PCBP3: variants seen among roughly 807,000 people sequenced by gnomAD.
PCBP3 encodes the protein poly(rC)-binding protein 3.
PCBP3 carries 25 observed loss-of-function variants against 52.7 expected under a neutral mutation model. The observed-to-expected ratio is 0.47, with a 90% CI of 0.35 to 0.66. PCBP3 has a LOEUF of 0.66. Among genes scored for constraint, PCBP3 ranks in the 30% least tolerant of loss-of-function variants. PCBP3 has a pLI of 0.01. For synonymous variants in PCBP3, 162 were observed against 183.0 expected (o/e 0.89, Z 0.93); for missense variants, 391 against 490.3 (o/e 0.80, Z 1.91).
chr21:45,747,646 A>C (rs1414669232), intron 3 of PCBP3, among the ~76,000 whole-genome samples: 1 of 152,232 alleles, frequency 6.6e-6, no homozygotes, highest in African/African-American at 2.4e-5. Flanking sequence ...GGGCGTTTTC[A>C]CATGCTCTCA....
chr21:45,847,734 G>T (rs2093846252), intron 4 of PCBP3, among the ~76,000 whole-genome samples: 2 of 152,126 alleles, frequency 1.3e-5, no homozygotes, highest in African/African-American at 2.4e-5. Flanking sequence ...TGGTCTTTTT[G>T]CCTGGAGTCC....
chr21:45,705,001 C>G (rs540830225), intron 2 of PCBP3, among the ~76,000 whole-genome samples: 1 of 152,178 alleles, frequency 6.6e-6, no homozygotes, highest in Non-Finnish European at 1.5e-5. Context: ...TTTCTGGCTT[C>G]GGTGTGCTGA....
intron 2 of PCBP3, among the ~76,000 whole-genome samples, chr21:45,673,200 C>A (rs2081275553): frequency 1.3e-5 from 2 of 152,134 alleles, no homozygotes; most frequent in Non-Finnish European, 2.9e-5. Context: ...AAGAAAATTT[C>A]TGATTAGACT....
At chr21:45,665,521 G>A (rs1488358931) in intron 1 of PCBP3, among the ~76,000 whole-genome samples, 1 of 152,072 alleles carries the variant, frequency 6.6e-6, no homozygotes, top group Admixed American at 6.5e-5. Context: ...GGCTTTCTAG[G>A]TACAAGATCA....
At chr21:45,816,796 G>GTA (rs1020533969) in intron 4 of PCBP3, among the ~76,000 whole-genome samples, 12 of 150,700 alleles carry the variant, frequency 8.0e-5, no homozygotes, top group Admixed American at 2.6e-4. Flanking sequence ...TAAAAATATA[G>GTA]TATAGTAAAT....
chr21:45,677,495 C>G (rs1318320000), intron 2 of PCBP3, among the ~76,000 whole-genome samples: 1 of 152,250 alleles, frequency 6.6e-6, no homozygotes, highest in Non-Finnish European at 1.5e-5. Context: ...GATGTAGATG[C>G]TGTACCTTGT....
chr21:45,768,318 C>G (rs1359468708), intron 4 of PCBP3, among the ~76,000 whole-genome samples: 1 of 152,202 alleles, frequency 6.6e-6, no homozygotes, highest in Admixed American at 6.5e-5. Flanking sequence ...TCCAGCACTG[C>G]GAGACTCTCA....
intron 17 of PCBP3, among the ~76,000 whole-genome samples, chr21:45,940,886 C>A (rs903306698): frequency 1.4e-4 from 20 of 145,722 alleles, no homozygotes; most frequent in Admixed American, 4.8e-4. Flanking sequence ...CAAGGATGTC[C>A]TACTGCAAGA....
At chr21:45,794,035 G>A (rs1341219246) in intron 4 of PCBP3, among the ~76,000 whole-genome samples, 8 of 152,108 alleles carry the variant, frequency 5.3e-5, no homozygotes, top group Non-Finnish European at 1.0e-4. Flanking sequence ...GTGTATATTG[G>A]TATGCAAATT....
rs1369389482 is a variant in PCBP3 at position 45,802,322 on chromosome 21, T to C, written c.-126+46870T>C. 6.6e-6 allele frequency among the ~76,000 whole-genome samples: 1 copy of C among 152,182 alleles called. No homozygotes were observed. Among genetic ancestry groups the C allele is most frequent in the African/African-American group, 2.4e-5 (1 of 41,440 alleles). ...TCAGCACCACCCCTTGCTGTGTTCC[T>C]GAAGCGTCCTGTCTTCCATGGTCAG... On this transcript the variant is annotated intron_variant, in intron 4 of 17. Transcript: ENST00000681687. This position sits in a 1 kb window ranked among gnomAD's most constrained non-coding sequence, Gnocchi z 5.1.
chr21:45,730,584 G>T (rs1194803632), intron 2 of PCBP3, among the ~76,000 whole-genome samples: 2 of 152,136 alleles, frequency 1.3e-5, no homozygotes, highest in East Asian at 1.9e-4. Flanking sequence ...CCTATATCCC[G>T]TACTGATCTT....
intron 4 of PCBP3, among the ~76,000 whole-genome samples, chr21:45,844,524 C>T (rs1431412991): frequency 6.6e-6 from 1 of 152,124 alleles, no homozygotes. Flanking sequence ...TTTTGTGTGG[C>T]AGAAGTAATG....
At chr21:45,680,522 CA>C (rs1345450691) in intron 2 of PCBP3, among the ~76,000 whole-genome samples, 1 of 152,038 alleles carries the variant, frequency 6.6e-6, no homozygotes, top group Admixed American at 6.6e-5. Context: ...TGATAATATA[CA>C]AAAATAAAAT....
chr21:45,891,798 G>C (rs1358756400), intron 5 of PCBP3, among the ~76,000 whole-genome samples: 2 of 152,242 alleles, frequency 1.3e-5, no homozygotes, highest in African/African-American at 4.8e-5. Context: ...GGGGCCATCA[G>C]AGCTCTCTCT....
chr21:45,707,891 C>T (rs1451232314), intron 2 of PCBP3, among the ~76,000 whole-genome samples: 2 of 152,172 alleles, frequency 1.3e-5, no homozygotes, highest in Non-Finnish European at 2.9e-5. Flanking sequence ...AGCTGAGCAC[C>T]CCAGGTGTCA....
chr21:45,833,489 G>A (rs536250102), intron 4 of PCBP3, among the ~76,000 whole-genome samples: 1 of 152,362 alleles, frequency 6.6e-6, no homozygotes, highest in African/African-American at 2.4e-5. Context: ...TTGGCCCCTG[G>A]CAGCTTATTC....
At chr21:45,673,471 A>T (rs1364262744) in intron 2 of PCBP3, 1 of 152,126 alleles carries the variant, frequency 6.6e-6, no homozygotes, top group African/African-American at 2.4e-5. Flanking sequence ...TGATGAAGAG[A>T]AGAGTTTTGT....
intron 4 of PCBP3, among the ~76,000 whole-genome samples, chr21:45,795,320 T>C (rs2091866630): frequency 6.6e-6 from 1 of 151,614 alleles, no homozygotes; most frequent in Non-Finnish European, 1.5e-5. Flanking sequence ...TTTTTCTTTT[T>C]TTTTTTTTCC....
At chr21:45,874,363 T>C (rs2148675402) in intron 5 of PCBP3, among the ~76,000 whole-genome samples, 1 of 152,370 alleles carries the variant, frequency 6.6e-6, no homozygotes, top group African/African-American at 2.4e-5. Flanking sequence ...AAATATGTTT[T>C]CTAATTCTCG....
Sources: allele counts gnomAD v4.1 joint callset (sites outside exome capture counted in the v4.1 genomes callset), GRCh38; gene constraint gnomAD v4.1.1; non-coding constraint Gnocchi (gnomAD v3.1); transcripts MANE v1.5; gene names NCBI Gene and HGNC (gene_info 2026-07-23, HGNC 2026-07-21).